NKAIN3: variants seen among roughly 807,000 people sequenced by gnomAD.
The protein encoded by NKAIN3 is sodium/potassium-transporting ATPase subunit beta-1-interacting protein 3.
A neutral mutation model predicts 30.2 loss-of-function variants in NKAIN3; 25 were observed. The ratio of observed to expected loss-of-function variants is 0.83; its 90% CI spans 0.60 to 1.16. The LOEUF (loss-of-function observed/expected upper bound fraction) is 1.16. NKAIN3 is among the 50% of genes most tolerant of loss of function. The pLI is 0.00. For synonymous variants in NKAIN3, 91 were observed against 89.6 expected, an observed-to-expected ratio of 1.02 and a Z score of -0.09; for missense variants, 225 against 254.1, an observed-to-expected ratio of 0.89 and a Z score of 0.78.
chr8:62,249,348 C>G (rs998210153), intron 1 of NKAIN3, among the ~76,000 whole-genome samples: 1 of 152,146 alleles, frequency 6.6e-6, no homozygotes, highest in Non-Finnish European at 1.5e-5. Context: ...GCGGTCTCAC[C>G]CCCGGTCCCA....
At chr8:62,259,224 C>T (rs1162585460) in intron 1 of NKAIN3, among the ~76,000 whole-genome samples, 1 of 152,022 alleles carries the variant, frequency 6.6e-6, no homozygotes, top group South Asian at 2.1e-4. Flanking sequence ...AAAAAGAAAA[C>T]CACAAATTAT....
chr8:62,592,032 A>T (rs1360423497), intron 3 of NKAIN3, among the ~76,000 whole-genome samples: 2 of 151,910 alleles, frequency 1.3e-5, no homozygotes, highest in African/African-American at 4.8e-5. Context: ...ATTAATAGAA[A>T]CCTCCCTATG....
intron 3 of NKAIN3, among the ~76,000 whole-genome samples, chr8:62,730,110 A>G (rs1815421445): frequency 6.6e-6 from 1 of 152,134 alleles, no homozygotes; most frequent in African/African-American, 2.4e-5. Context: ...TTTGTACTTT[A>G]TTGATCTTTT....
chr8:62,299,659 C>CA (rs200660802), intron 1 of NKAIN3, among the ~76,000 whole-genome samples: 4,115 of 149,630 alleles, frequency 0.028, 170 homozygotes, highest in African/African-American at 0.092. Flanking sequence ...GATGTTGACT[C>CA]AAAAAAAAAG....
chr8:62,260,485 C>T (rs897543388), intron 1 of NKAIN3, among the ~76,000 whole-genome samples: 2 of 152,156 alleles, frequency 1.3e-5, no homozygotes, highest in African/African-American at 2.4e-5. Flanking sequence ...AAAAGGTCCT[C>T]AAGAAATCAT....
At chr8:62,744,507 G>A (rs776097678) in intron 3 of NKAIN3, among the ~76,000 whole-genome samples, 23 of 152,136 alleles carry the variant, frequency 1.5e-4, no homozygotes, top group Non-Finnish European at 2.8e-4. Flanking sequence ...AGGAAAGGTC[G>A]CTGGGTAAGA....
intron 4 of NKAIN3, among the ~76,000 whole-genome samples, chr8:62,805,235 T>C (rs1461327673): frequency 1.3e-5 from 2 of 151,740 alleles, no homozygotes; most frequent in Non-Finnish European, 2.9e-5. Flanking sequence ...CCCAAGGTAA[T>C]TTAGAGATTC....
chr8:62,482,849 T>G (rs2129600953), intron 1 of NKAIN3: 1 of 152,402 alleles, frequency 6.6e-6, no homozygotes, highest in African/African-American at 2.4e-5. Context: ...AGCTAGGCCT[T>G]GCCTTTTCAT....
intron 3 of NKAIN3, among the ~76,000 whole-genome samples, chr8:62,674,415 T>G (rs1395723985): frequency 6.6e-6 from 1 of 152,192 alleles, no homozygotes; most frequent in African/African-American, 2.4e-5. Context: ...ATCCTGTTCT[T>G]ATTTGTCCAT....
At chr8:62,354,494 A>G (rs1297346138) in intron 1 of NKAIN3, among the ~76,000 whole-genome samples, 1 of 152,044 alleles carries the variant, frequency 6.6e-6, no homozygotes, top group African/African-American at 2.4e-5. Context: ...TGCAGGCTGG[A>G]GTGCAGTGGC....
At chr8:62,865,566 CTTGTG>C (rs1820390777) in intron 4 of NKAIN3, among the ~76,000 whole-genome samples, 1 of 152,060 alleles carries the variant, frequency 6.6e-6, no homozygotes, top group Non-Finnish European at 1.5e-5. Flanking sequence ...AGCATTGTTT[CTTGTG>C]TTGTGTGACA....
At chr8:62,278,833 A>C (rs1228514438) in intron 1 of NKAIN3, among the ~76,000 whole-genome samples, 1 of 152,208 alleles carries the variant, frequency 6.6e-6, no homozygotes, top group Non-Finnish European at 1.5e-5. Flanking sequence ...GTGCTGCAAT[A>C]AACACACGTA....
chr8:62,280,787 T>C (rs1813151282), intron 1 of NKAIN3, among the ~76,000 whole-genome samples: 1 of 152,242 alleles, frequency 6.6e-6, no homozygotes, highest in Admixed American at 6.5e-5. Flanking sequence ...CAGTATTTTG[T>C]TGAGGATTTT....
intron 1 of NKAIN3, among the ~76,000 whole-genome samples, chr8:62,474,758 A>G (rs936970580): frequency 6.6e-6 from 1 of 152,222 alleles, no homozygotes; most frequent in African/African-American, 2.4e-5. Flanking sequence ...AAAATCATCA[A>G]AAATGCTAAA....
At chr8:62,762,776 GA>G (rs1193447580) in intron 4 of NKAIN3, among the ~76,000 whole-genome samples, 3 of 152,124 alleles carry the variant, frequency 2.0e-5, no homozygotes, top group Non-Finnish European at 4.4e-5. Flanking sequence ...TGAGCAACAG[GA>G]TAGATGATAC....
intron 2 of NKAIN3, among the ~76,000 whole-genome samples, chr8:62,583,329 A>G (rs1279174465): frequency 6.6e-6 from 1 of 152,080 alleles, no homozygotes; most frequent in African/African-American, 2.4e-5. Context: ...AGAATCTTCA[A>G]AGAAAAGCAT....
At chr8:62,781,224 A>G (rs1471850246) in intron 4 of NKAIN3, among the ~76,000 whole-genome samples, 1 of 151,964 alleles carries the variant, frequency 6.6e-6, no homozygotes, top group Non-Finnish European at 1.5e-5. Flanking sequence ...AATTTAATCA[A>G]GGATGTGAAA....
chr8:62,697,978 G>A (rs529361408), intron 3 of NKAIN3, among the ~76,000 whole-genome samples: 32 of 152,084 alleles, frequency 2.1e-4, no homozygotes, highest in Non-Finnish European at 2.8e-4. Context: ...AATATAGAAC[G>A]AAATCTTGTT....
intron 4 of NKAIN3, among the ~76,000 whole-genome samples, chr8:62,786,896 T>C (rs907514467): frequency 6.6e-6 from 1 of 152,118 alleles, no homozygotes; most frequent in Admixed American, 6.6e-5. Flanking sequence ...TGGAGGACAA[T>C]TGTAAGCATA....
Sources: allele counts gnomAD v4.1 joint callset (sites outside exome capture counted in the v4.1 genomes callset), GRCh38; gene constraint gnomAD v4.1.1; transcripts MANE v1.5; gene names NCBI Gene and HGNC (gene_info 2026-07-23, HGNC 2026-07-21).